Variants in ENO4 observed in about 807,000 individuals in gnomAD.
The protein encoded by ENO4 is enolase 4.
In ENO4, 53 loss-of-function variants were observed where a neutral mutation model predicts 63.2. The ratio of observed to expected loss-of-function variants is 0.84; its 90% CI spans 0.67 to 1.05. The LOEUF is 1.05. Ranked by LOEUF, ENO4 falls within the 50% of genes least tolerant of loss-of-function variation. The probability of loss-of-function intolerance (pLI) is 0.00; values close to 1 mark genes in which losing one functional copy is unlikely to be tolerated. For synonymous variants in ENO4, 266 were observed against 283.8 expected (o/e 0.94, Z 0.63); for missense variants, 719 against 772.0 (o/e 0.93, Z 0.81).
At chr10:116,851,405 A>G (rs978076355) in intron 1 of ENO4, among the ~76,000 whole-genome samples, 1 of 152,236 alleles carries the variant, frequency 6.6e-6, no homozygotes, top group African/African-American at 2.4e-5. Flanking sequence ...CAAAAAAGCA[A>G]ACTCCTTGAA....
rs1373281908 is a variant in ENO4, at chr10:116,862,839, AAAT to A, written c.981_983del (p.Ile328del). On this transcript the variant is annotated inframe_deletion, in exon 7 of 14. Transcript: ENST00000341276. ...ATGGAAATGCAGAAACATATCAACA[AAAT>A]AATTGAAATGGTATGTAAAGAGATT... 8 of 1,546,728 alleles carry A rather than the reference AAAT, an allele frequency of 5.2e-6. No individual in the cohort carries two copies. The highest frequency in any genetic ancestry group is 1.7e-4 in the Middle Eastern group (1 of 6,010).
At position 116,862,847 on chromosome 10, in the gene ENO4, G is replaced by A; in HGVS notation, c.985G>A (p.Glu329Lys). ...EMQKHINKII[E>K]MPSPPKAETK... is the part of the protein sequence containing the mutation. Reference sequence around the variant, plus strand: ...GCAGAAACATATCAACAAAATAATTGAAATGGTATGTAAAGAGATTCTATG... The same window carrying A: ...GCAGAAACATATCAACAAAATAATTAAAATGGTATGTAAAGAGATTCTATG... Residue 329 changes from glutamate to lysine, a missense_variant, in exon 7 of 14, where the codon GAA (glutamate) becomes AAA (lysine). Around this residue, in one of 3 missense-constraint regions of ENO4, gnomAD observed 544 missense variants for 583.6 expected, o/e 0.93. Coordinates refer to ENST00000341276, the MANE Select transcript of ENO4 (RefSeq NM_001242699.2). 6.5e-7 allele frequency: 1 copy of A among 1,543,986 alleles called. No individual in the cohort carries two copies. Among genetic ancestry groups the A allele is most frequent in the Non-Finnish European group, 8.8e-7 (1 of 1,141,180 alleles).
chr10:116,892,513 T>C (rs1273692959), intron 10 of ENO4, among the ~76,000 whole-genome samples: 3 of 152,214 alleles, frequency 2.0e-5, no homozygotes, highest in South Asian at 4.1e-4. Flanking sequence ...TTAAGAGACA[T>C]AGTCTTCCAC....
intron 10 of ENO4, among the ~76,000 whole-genome samples, chr10:116,892,945 T>C (rs774505074): frequency 4.3e-4 from 65 of 152,246 alleles, no homozygotes; most frequent in Middle Eastern, 3.2e-3. Flanking sequence ...AGAAATGGTA[T>C]ATTTTATACA....
At chr10:116,896,276 G>A (rs1847516520) in intron 10 of ENO4, among the ~76,000 whole-genome samples, 1 of 152,106 alleles carries the variant, frequency 6.6e-6, no homozygotes, top group Non-Finnish European at 1.5e-5. Context: ...GATTAAAATG[G>A]AAGGCAATTT....
rs1847690217 is a variant in ENO4, at chr10:116,900,430, G to A, written c.1195-11069G>A. 4.9e-6 allele frequency: 5 copies of A among 1,025,370 alleles called. No individual in the cohort carries two copies. The South Asian group carries it at 7.0e-5, about 14-fold the overall frequency. The allele number at this position is 1,025,370 out of a possible 1,614,324, so 63.5% of individuals were successfully genotyped here. ...TCAACACATATTTTGCAGACCTTGG[G>A]CCTGCAATTATTTCATTTCCTTTCT... On this transcript the variant is annotated intron_variant, in intron 10 of 10. Coordinates refer to the ENO4 transcript ENST00000369207.
chr10:116,867,786 AG>A (rs1331113646), intron 7 of ENO4, among the ~76,000 whole-genome samples: 1 of 152,180 alleles, frequency 6.6e-6, no homozygotes, highest in Non-Finnish European at 1.5e-5. Context: ...AGTCTCAATG[AG>A]GGAGCATAAA....
At chr10:116,856,744 G>A (rs1846270630) in intron 3 of ENO4, 62 bp downstream of exon 3, 2 of 1,371,078 alleles carry the variant, frequency 1.5e-6, no homozygotes, top group South Asian at 1.5e-5. Context: ...GCTCACGCCT[G>A]TAATCCCAGC....
At chr10:116,901,987 A>G (rs754854260) in intron 10 of ENO4, 12 of 1,541,434 alleles carry the variant, frequency 7.8e-6, no homozygotes, top group Admixed American at 2.2e-5. Context: ...CTCAAGTTTA[A>G]TAATTCTGTA....
At chr10:116,886,587 CA>C (rs748204859), downstream of ENO4, 10 of 1,607,536 alleles carry the variant, frequency 6.2e-6, no homozygotes, top group South Asian at 1.1e-5. Flanking sequence ...AAGAGTTAGA[CA>C]AAAAAAGTAA....
chr10:116,909,978 G>T (rs184001401), intron 10 of ENO4, among the ~76,000 whole-genome samples: 1 of 152,086 alleles, frequency 6.6e-6, no homozygotes, highest in Non-Finnish European at 1.5e-5. Context: ...TGCCATGATT[G>T]TGAGGTTGGG....
At chr10:116,872,497 GCA>G (rs1846725529) in intron 9 of ENO4, among the ~76,000 whole-genome samples, 1 of 152,018 alleles carries the variant, frequency 6.6e-6, no homozygotes, top group Non-Finnish European at 1.5e-5. Context: ...GAGTTCCCCT[GCA>G]CACACTCTCT....
downstream of ENO4, among the ~76,000 whole-genome samples, chr10:116,912,076 G>T (rs1278504468): frequency 1.3e-5 from 2 of 152,180 alleles, no homozygotes; most frequent in Non-Finnish European, 2.9e-5. Context: ...AAGGAGACAA[G>T]CTACCCTCTT....
chr10:116,869,907 C>CATA (rs10624381), intron 8 of ENO4, among the ~76,000 whole-genome samples: 151,569 of 152,248 alleles, frequency 1, 75,450 homozygotes, highest in East Asian at 1. Flanking sequence ...AAATGGAGAT[C>CATA]ATAATATCTT....
intron 10 of ENO4, 23 bp from the exon 11 acceptor site, chr10:116,876,042 T>A (rs752965419): frequency 6.8e-7 from 1 of 1,480,578 alleles, no homozygotes; most frequent in South Asian, 1.4e-5. Context: ...ATTATAATGA[T>A]CAACTCTTAA....
At chr10:116,893,298 T>C (rs892661850) in intron 10 of ENO4, among the ~76,000 whole-genome samples, 1 of 152,154 alleles carries the variant, frequency 6.6e-6, no homozygotes, top group African/African-American at 2.4e-5. Flanking sequence ...GCTAATTTTG[T>C]TGTTAAAACT....
chr10:116,889,360 C>G (rs1210643928), intron 10 of ENO4, among the ~76,000 whole-genome samples: 1 of 152,210 alleles, frequency 6.6e-6, no homozygotes, highest in Non-Finnish European at 1.5e-5. Context: ...AGCTTCTTGA[C>G]TGCAGATTAA....
At chr10:116,850,714 G>T (rs917089526) in intron 1 of ENO4, among the ~76,000 whole-genome samples, 3 of 152,148 alleles carry the variant, frequency 2.0e-5, no homozygotes, top group Non-Finnish European at 2.9e-5. Flanking sequence ...TACTATCAAA[G>T]GGGAGAGGTG....
intron 10 of ENO4, chr10:116,901,579 G>A: frequency 7.1e-6 from 7 of 985,252 alleles, no homozygotes; most frequent in Non-Finnish European, 8.4e-6. Context: ...TACTTGCTTT[G>A]GATCTGAATG....
Sources: allele counts gnomAD v4.1 joint callset (sites outside exome capture counted in the v4.1 genomes callset), GRCh38; gene constraint gnomAD v4.1.1; regional missense constraint gnomAD v4.1.1; transcripts MANE v1.5; gene names NCBI Gene and HGNC (gene_info 2026-07-23, HGNC 2026-07-21).